SHC3: variants seen among roughly 807,000 people sequenced by gnomAD.
SHC3 encodes SHC adaptor protein 3.
SHC3 carries 15 observed loss-of-function variants against 60.4 expected under a neutral mutation model. That is an observed-to-expected ratio of 0.25 (90% CI 0.17 to 0.38). The LOEUF (loss-of-function observed/expected upper bound fraction) is 0.38, where lower values mean the gene tolerates loss of function less well. Ranked by LOEUF, SHC3 falls within the 10% of genes least tolerant of loss-of-function variation. SHC3 has a pLI of 1.00. For missense variants in SHC3, 677 were observed against 786.1 expected (o/e 0.86, Z 1.66); for synonymous variants, 294 against 325.9 (o/e 0.90, Z 1.05).
At chr9:89,169,067 A>C (rs1245696148) in intron 1 of SHC3, among the ~76,000 whole-genome samples, 2 of 152,230 alleles carry the variant, frequency 1.3e-5, no homozygotes. Context: ...AAAATTATGC[A>C]AGCCAATTCC....
At chr9:89,173,494 C>T (rs547053467) in intron 1 of SHC3, among the ~76,000 whole-genome samples, 1 of 152,324 alleles carries the variant, frequency 6.6e-6, no homozygotes, top group East Asian at 1.9e-4. Context: ...GAAGTTTTGT[C>T]GTAGCTTATC....
intron 11 of SHC3, among the ~76,000 whole-genome samples, chr9:89,016,942 G>A (rs1421710371): frequency 6.6e-6 from 1 of 152,036 alleles, no homozygotes; most frequent in East Asian, 1.9e-4. Flanking sequence ...CAAAGCATTT[G>A]ACAAAATCCA....
At chr9:89,102,102 A>G (rs1365283362) in intron 2 of SHC3, among the ~76,000 whole-genome samples, 3 of 152,126 alleles carry the variant, frequency 2.0e-5, no homozygotes, top group African/African-American at 7.2e-5. Flanking sequence ...TAAATTCATT[A>G]GCATCAAGTT....
At chr9:89,044,059 G>A (rs1824734222) in intron 9 of SHC3, among the ~76,000 whole-genome samples, 1 of 152,144 alleles carries the variant, frequency 6.6e-6, no homozygotes, top group Admixed American at 6.5e-5. Context: ...GATCTGGCTG[G>A]AATAACTTGA....
At chr9:89,071,292 G>C (rs752686679) in intron 4 of SHC3, 40 bp from the exon 5 acceptor site, 1 of 1,607,246 alleles carries the variant, frequency 6.2e-7, no homozygotes, top group Non-Finnish European at 8.5e-7. Flanking sequence ...TGCTGTTATC[G>C]CCCTTTCCAC....
chr9:89,060,471 C>A (rs558039607), intron 6 of SHC3, among the ~76,000 whole-genome samples: 9 of 151,988 alleles, frequency 5.9e-5, no homozygotes, highest in African/African-American at 2.2e-4. Context: ...TGAAGCGAGT[C>A]AGGGAGAGAA....
At chr9:89,103,030 A>G (rs1239134984) in intron 2 of SHC3, among the ~76,000 whole-genome samples, 1 of 152,212 alleles carries the variant, frequency 6.6e-6, no homozygotes, top group Admixed American at 6.5e-5. Flanking sequence ...GCAGGAATTC[A>G]GTGTGGAGGA....
At chr9:89,143,946 CCTTCTTGGGG>C (rs1256304660) in intron 1 of SHC3, among the ~76,000 whole-genome samples, 1 of 152,094 alleles carries the variant, frequency 6.6e-6, no homozygotes, top group African/African-American at 2.4e-5. Flanking sequence ...TGTCCTGCAC[CCTTCTTGGGG>C]GCCTTAGGGT....
chr9:89,049,840 C>G (rs748764359), intron 7 of SHC3, among the ~76,000 whole-genome samples: 18 of 152,216 alleles, frequency 1.2e-4, no homozygotes, highest in Non-Finnish European at 2.6e-4. Flanking sequence ...TATTTCTGAA[C>G]CTCACTTCCA....
Position 89,071,245 on chromosome 9 carries a change from G to C in SHC3, c.737C>G (p.Ala246Gly), listed in dbSNP as rs761116295. The part of the protein sequence containing the change: ...LRTPDSKQII[A>G]NHHMRSISFA... Reference sequence around the variant, plus strand: ...GGAGATGGACCGCATGTGGTGATTCGCTATGATCTGCCAGGCCCAAAACAA... The same window carrying C: ...GGAGATGGACCGCATGTGGTGATTCCCTATGATCTGCCAGGCCCAAAACAA... Residue 246 changes from alanine to glycine, a missense_variant, in exon 5 of 12, where the codon GCG becomes GGG. Physicochemically the swap from Ala to Gly is moderately conservative, Grantham distance 60. Coordinates refer to ENST00000375835, the MANE Select transcript of SHC3 (RefSeq NM_016848.6). The C allele has an allele frequency of 1.2e-6, 2 of 1,613,966 alleles. No individual in the cohort carries two copies. The highest frequency in any genetic ancestry group is 2.2e-5 in the East Asian group (1 of 44,900).
intron 1 of SHC3, among the ~76,000 whole-genome samples, chr9:89,177,102 G>A (rs1045689575): frequency 8.5e-5 from 13 of 152,232 alleles, no homozygotes; most frequent in African/African-American, 3.1e-4. Flanking sequence ...CTGCTCGGCT[G>A]TGGAGGCTGT....
chr9:89,149,320 C>A (rs1490570216), intron 1 of SHC3, among the ~76,000 whole-genome samples: 6 of 152,144 alleles, frequency 3.9e-5, no homozygotes, highest in Admixed American at 6.6e-5. Flanking sequence ...TTTGTTACTT[C>A]TCTGAATATT....
At chr9:89,026,838 C>G (rs1203087350) in intron 11 of SHC3, among the ~76,000 whole-genome samples, 2 of 152,188 alleles carry the variant, frequency 1.3e-5, no homozygotes, top group African/African-American at 4.8e-5. Context: ...GACAAGTCCT[C>G]TCTTTCATGC....
intron 11 of SHC3, among the ~76,000 whole-genome samples, chr9:89,017,290 T>G (rs922001535): frequency 5.3e-5 from 8 of 152,082 alleles, no homozygotes; most frequent in African/African-American, 1.9e-4. Flanking sequence ...GTACTAGTAC[T>G]GAAACAGATA....
At chr9:89,094,509 A>T (rs1825671330) in intron 2 of SHC3, among the ~76,000 whole-genome samples, 1 of 152,270 alleles carries the variant, frequency 6.6e-6, no homozygotes, top group South Asian at 2.1e-4. Context: ...GGAAGATTGT[A>T]GAAGTAATAA....
intron 1 of SHC3, among the ~76,000 whole-genome samples, chr9:89,177,313 C>A (rs1029916779): frequency 1.3e-5 from 2 of 152,196 alleles, no homozygotes; most frequent in East Asian, 3.8e-4. Context: ...CGCCCTAGTT[C>A]CCTTTTAGCA....
chr9:89,060,156 C>T (rs1435863754), intron 6 of SHC3, among the ~76,000 whole-genome samples: 39 of 105,178 alleles, frequency 3.7e-4, no homozygotes, highest in Non-Finnish European at 6.3e-4. Flanking sequence ...TGGTGGAGGG[C>T]GGTGGTGGAG....
At chr9:89,169,891 C>A (rs1242948454) in intron 1 of SHC3, among the ~76,000 whole-genome samples, 2 of 152,132 alleles carry the variant, frequency 1.3e-5, no homozygotes, top group Admixed American at 1.3e-4. Flanking sequence ...AGGCATGTTA[C>A]AAGGTTGGCA....
At chr9:89,146,526 T>C (rs1196155905) in intron 1 of SHC3, among the ~76,000 whole-genome samples, 1 of 151,898 alleles carries the variant, frequency 6.6e-6, no homozygotes, top group African/African-American at 2.4e-5. Flanking sequence ...TCTAAATAAG[T>C]GCTGTGGTTG....
Sources: gnomAD v4.1 joint callset for allele counts (sites outside exome capture counted in the v4.1 genomes callset) on GRCh38, gnomAD v4.1.1 for gene constraint, MANE v1.5 for transcripts, NCBI Gene and HGNC (gene_info 2026-07-23, HGNC 2026-07-21) for gene names.